GRID2: variants seen among roughly 807,000 people sequenced by gnomAD.
GRID2 encodes glutamate ionotropic receptor delta type subunit 2.
A neutral mutation model predicts 114.8 loss-of-function variants in GRID2; 33 were observed. That is an observed-to-expected ratio of 0.29 (90% CI 0.22 to 0.38). The LOEUF (loss-of-function observed/expected upper bound fraction) is 0.38, where lower values mean the gene tolerates loss of function less well. Among genes scored for constraint, GRID2 ranks in the 10% least tolerant of loss-of-function variants. GRID2 has a pLI of 1.00. For missense variants in GRID2, 1,184 were observed against 1,257.7 expected, an observed-to-expected ratio of 0.94 and a Z score of 0.89; for synonymous variants, 505 against 449.9, an observed-to-expected ratio of 1.12 and a Z score of -1.55.
rs576395212 is a variant in GRID2, at chr4:93,402,821, T to C, written c.1347+7113T>C. On this transcript the variant is annotated intron_variant, in intron 9 of 15. Coordinates refer to ENST00000282020, the MANE Select transcript of GRID2 (RefSeq NM_001510.4). Reference sequence around the variant, plus strand: ...GATTCCAGGCTAGCTTTAAATAGACTCTATATTTTAATATATAACTAAACA... The same window carrying C: ...GATTCCAGGCTAGCTTTAAATAGACCCTATATTTTAATATATAACTAAACA... 3.3e-5 allele frequency among the ~76,000 whole-genome samples: 5 copies of C among 152,244 alleles called. No homozygotes were observed. The East Asian group carries it at 9.7e-4, about 29-fold the overall frequency.
chr4:92,562,331 A>G (rs1727137112), intron 1 of GRID2, among the ~76,000 whole-genome samples: 1 of 152,188 alleles, frequency 6.6e-6, no homozygotes. Flanking sequence ...ACAGGGTGAC[A>G]TTTAAATGAT....
intron 2 of GRID2, among the ~76,000 whole-genome samples, chr4:92,784,897 T>G (rs1739245562): frequency 6.6e-6 from 1 of 152,006 alleles, no homozygotes; most frequent in Admixed American, 6.6e-5. Flanking sequence ...ATCTTTTCTT[T>G]AGGTAGTTTA....
At chr4:92,574,827 T>A (rs1553902245) in intron 1 of GRID2, among the ~76,000 whole-genome samples, 1 of 152,186 alleles carries the variant, frequency 6.6e-6, no homozygotes, top group Non-Finnish European at 1.5e-5. Context: ...TGGAGTATCT[T>A]ATTGGGGTTT....
intron 1 of GRID2, among the ~76,000 whole-genome samples, chr4:92,401,018 C>T (rs1380218470): frequency 1.3e-5 from 2 of 152,080 alleles, no homozygotes; most frequent in Non-Finnish European, 2.9e-5. Flanking sequence ...TTTGCAAAAA[C>T]TTTCTCCCAT....
At chr4:92,426,982 T>C (rs74759576) in intron 1 of GRID2, among the ~76,000 whole-genome samples, 3,586 of 152,206 alleles carry the variant, frequency 0.024, 145 homozygotes, top group African/African-American at 0.082. Context: ...TTTTGACCAA[T>C]GGTATCAAAA....
At chr4:93,126,892 A>G (rs555386095) in intron 4 of GRID2, among the ~76,000 whole-genome samples, 112 of 152,134 alleles carry the variant, frequency 7.4e-4, no homozygotes, top group African/African-American at 2.6e-3. Flanking sequence ...CCAGATAACT[A>G]TTTAATTCTG....
chr4:92,830,709 T>C (rs1487033474), intron 2 of GRID2, among the ~76,000 whole-genome samples: 1 of 152,240 alleles, frequency 6.6e-6, no homozygotes, highest in Non-Finnish European at 1.5e-5. Flanking sequence ...TTCATAGTTT[T>C]ATTTTTTAAG....
At chr4:92,686,236 A>C (rs142928701) in intron 2 of GRID2, among the ~76,000 whole-genome samples, 1 of 152,082 alleles carries the variant, frequency 6.6e-6, no homozygotes, top group Non-Finnish European at 1.5e-5. Context: ...AATTGGCCCC[A>C]TAGAGAAAGC....
chr4:92,575,741 C>T (rs1727857869), intron 1 of GRID2, among the ~76,000 whole-genome samples: 1 of 152,214 alleles, frequency 6.6e-6, no homozygotes, highest in African/African-American at 2.4e-5. Context: ...TTGGGCAACT[C>T]TTCAGCTCCC....
At chr4:92,637,333 G>T (rs1190312480) in intron 2 of GRID2, among the ~76,000 whole-genome samples, 2 of 152,130 alleles carry the variant, frequency 1.3e-5, no homozygotes, top group African/African-American at 2.4e-5. Context: ...ATGATGGGAA[G>T]AAGTTATAAG....
chr4:92,409,454 T>G (rs1254100207), intron 1 of GRID2, among the ~76,000 whole-genome samples: 2 of 152,214 alleles, frequency 1.3e-5, no homozygotes, highest in Admixed American at 6.5e-5. Flanking sequence ...TTTTAAGTAT[T>G]TATTACTTTC....
rs75100171 is a variant in GRID2, at chr4:93,386,656, T to C, written c.1246-8951T>C. ...ACCACGCAAGGGTCAGATGCATTAG[T>C]ACAGTTTTGGATAACTGTCTTACTG... On this transcript the variant is annotated intron_variant, in intron 8 of 15. Coordinates refer to ENST00000282020, the MANE Select transcript of GRID2 (RefSeq NM_001510.4). Among the ~76,000 whole-genome samples the C allele has an allele frequency of 7.6e-3, 1,153 of 152,294 alleles. 15 individuals carry two copies. Among genetic ancestry groups the C allele is most frequent in the African/African-American group, 0.026 (1,082 of 41,572 alleles).
chr4:93,464,563 C>G (rs978097501), intron 11 of GRID2, among the ~76,000 whole-genome samples: 10 of 152,100 alleles, frequency 6.6e-5, no homozygotes, highest in African/African-American at 2.2e-4. Context: ...ACAAGCTTTA[C>G]TTGATTGTTT....
chr4:93,748,394 T>G (rs1256090971), intron 14 of GRID2, among the ~76,000 whole-genome samples: 1 of 152,114 alleles, frequency 6.6e-6, no homozygotes, highest in Non-Finnish European at 1.5e-5. Flanking sequence ...CAATAGAATG[T>G]TTTTCATTCA....
intron 13 of GRID2, among the ~76,000 whole-genome samples, chr4:93,551,266 A>G (rs868804822): frequency 6.6e-6 from 1 of 152,216 alleles, no homozygotes; most frequent in Non-Finnish European, 1.5e-5. Flanking sequence ...TAAAGCATAG[A>G]AGGAGACAGG....
intron 2 of GRID2, among the ~76,000 whole-genome samples, chr4:92,621,464 G>T (rs1730272742): frequency 6.6e-6 from 1 of 151,864 alleles, no homozygotes; most frequent in Non-Finnish European, 1.5e-5. Flanking sequence ...TTTTGGTGTG[G>T]TTATTTTAAC....
chr4:92,742,535 GAA>G (rs1736943880), intron 2 of GRID2, among the ~76,000 whole-genome samples: 1 of 152,124 alleles, frequency 6.6e-6, no homozygotes, highest in Admixed American at 6.5e-5. Context: ...TTGGGGCAGA[GAA>G]ATGCTGTTCT....
chr4:93,538,625 A>G (rs1732343197), intron 13 of GRID2, among the ~76,000 whole-genome samples: 1 of 151,778 alleles, frequency 6.6e-6, no homozygotes, highest in African/African-American at 2.4e-5. Flanking sequence ...AGATATCTTG[A>G]TCTATAGATG....
intron 2 of GRID2, among the ~76,000 whole-genome samples, chr4:92,998,824 T>TA (rs35765976): frequency 6.6e-6 from 1 of 151,838 alleles, no homozygotes; most frequent in Non-Finnish European, 1.5e-5. Context: ...GAGGATCATT[T>TA]AAAAAAATAT....
Sources: gnomAD v4.1 joint callset for allele counts (sites outside exome capture counted in the v4.1 genomes callset) on GRCh38, gnomAD v4.1.1 for gene constraint, MANE v1.5 for transcripts, NCBI Gene and HGNC (gene_info 2026-07-23, HGNC 2026-07-21) for gene names.